The following LRRC61 variants were observed in gnomAD, a reference collection of about 807,000 sequenced individuals.
LRRC61 encodes the protein leucine-rich repeat-containing protein 61.
In LRRC61, 9 loss-of-function variants were observed where a neutral mutation model predicts 15.1. The observed-to-expected ratio is 0.60, with a 90% CI of 0.36 to 1.04. The LOEUF (loss-of-function observed/expected upper bound fraction) is 1.04, where lower values mean the gene tolerates loss of function less well. LRRC61 is among the 50% of genes least tolerant of loss of function. The pLI, the probability that LRRC61 is intolerant of heterozygous loss-of-function variation, is 0.01. For synonymous variants in LRRC61, 173 were observed against 158.6 expected, an observed-to-expected ratio of 1.09 and a Z score of -0.68; for missense variants, 344 against 335.6, an observed-to-expected ratio of 1.03 and a Z score of -0.20.
At chr7:150,311,074 T>G in the LRRC61 span, among the ~76,000 whole-genome samples, 914 of 152,276 alleles carry the variant, frequency 6.0e-3, 7 homozygotes, top group Middle Eastern at 0.027. Flanking sequence ...CAACTCTGGG[T>G]ACCAAACTTT....
the LRRC61 span, among the ~76,000 whole-genome samples, chr7:150,317,269 C>A: frequency 6.6e-6 from 1 of 152,014 alleles, no homozygotes; most frequent in Non-Finnish European, 1.5e-5. Flanking sequence ...AGGCTGGTCT[C>A]GAACTTATGG....
chr7:150,320,804 T>C (rs1421694768), upstream of LRRC61, among the ~76,000 whole-genome samples: 2 of 152,212 alleles, frequency 1.3e-5, no homozygotes, highest in African/African-American at 4.8e-5. Flanking sequence ...TCCATTAACT[T>C]GTTTCCTCAA....
chr7:150,331,451 G>T, intron 2 of LRRC61: 1 of 251,044 alleles, frequency 4.0e-6, no homozygotes. Context: ...CTATTTGGTA[G>T]GAAAGGGTCA....
intron 2 of LRRC61, among the ~76,000 whole-genome samples, chr7:150,327,819 CA>C (rs58721598): frequency 5.0e-4 from 69 of 136,816 alleles, no homozygotes; most frequent in Admixed American, 4.4e-4. Context: ...GACCTTGTCT[CA>C]AAAAAAAAAA....
At chr7:150,316,247 A>G in the LRRC61 span, among the ~76,000 whole-genome samples, 1 of 152,224 alleles carries the variant, frequency 6.6e-6, no homozygotes, top group Non-Finnish European at 1.5e-5. Context: ...CATCATGTGG[A>G]TGTACCATAC....
the LRRC61 span, among the ~76,000 whole-genome samples, chr7:150,309,699 G>C: frequency 6.6e-6 from 1 of 152,164 alleles, no homozygotes; most frequent in African/African-American, 2.4e-5. Flanking sequence ...TGTCCCACCT[G>C]TGCGGGACCC....
Position 150,337,063 on chromosome 7 carries a change from C to G in LRRC61, c.202C>G (p.Leu68Val). Residue 68 changes from leucine to valine, a missense_variant, in exon 3 of 3, where the codon CTG (leucine) becomes GTG (valine). Transcript: ENST00000359623. ...CCTATCAGGCAACGCGCTCACCCAC[C>G]TGGGCCCGCTGGCCTCCTTGCGCCA... Reference protein sequence around the residue: ...LDLSGNALTHLGPLASLRQLA... With the variant: ...LDLSGNALTHVGPLASLRQLA... The G allele has an allele frequency of 6.2e-7, 1 of 1,613,050 alleles. No homozygotes were observed. The highest frequency in any genetic ancestry group is 1.1e-5 in the South Asian group (1 of 91,078).
chr7:150,317,385 C>CA, the LRRC61 span, among the ~76,000 whole-genome samples: 1 of 152,160 alleles, frequency 6.6e-6, no homozygotes, highest in Admixed American at 6.5e-5. Context: ...TGGTTGTTTG[C>CA]ATAGATGGCG....
intron 1 of LRRC61, among the ~76,000 whole-genome samples, chr7:150,324,193 C>T (rs1464751): frequency 0.27 from 40,500 of 151,822 alleles, 5,553 homozygotes; most frequent in East Asian, 0.41. Context: ...GACTTGAGGG[C>T]CCAGCAGGTG....
At chr7:150,324,097 C>T (rs958482941) in intron 1 of LRRC61, among the ~76,000 whole-genome samples, 5 of 152,238 alleles carry the variant, frequency 3.3e-5, no homozygotes, top group Non-Finnish European at 7.3e-5. Context: ...GCTTGCTCTC[C>T]TCTTTTCCTT....
At position 150,330,372 on chromosome 7, in the gene LRRC61, G is replaced by A; in HGVS notation, c.-145+4362G>A. 1.3e-6 allele frequency: 1 copy of A among 762,238 alleles called. No individual in the cohort carries two copies. The highest frequency in any genetic ancestry group is 2.4e-5 in the East Asian group (1 of 41,184). 47.2% of individuals were successfully genotyped at this position (762,238 alleles called of 1,614,324 possible). On this transcript the variant is annotated intron_variant, in intron 2 of 2. Transcript: ENST00000359623. This position sits in a 1 kb window ranked among gnomAD's most constrained non-coding sequence, Gnocchi z 4.6. ...GTCGGCCACATTCTGGAGCCCGGCA[G>A]ACAGCCTCAGCAAGCTCCTGTAGCC...
At chr7:150,314,416 G>T in the LRRC61 span, among the ~76,000 whole-genome samples, 4 of 152,110 alleles carry the variant, frequency 2.6e-5, no homozygotes, top group Non-Finnish European at 5.9e-5. Context: ...AGAAGAGAGT[G>T]ATCCGCCTCT....
chr7:150,326,971 A>C (rs1797975635), intron 2 of LRRC61, among the ~76,000 whole-genome samples: 1 of 152,138 alleles, frequency 6.6e-6, no homozygotes, highest in African/African-American at 2.4e-5. Flanking sequence ...GTTGCCACTT[A>C]ACCCTTCTGA....
intron 1 of LRRC61, among the ~76,000 whole-genome samples, chr7:150,325,563 C>T (rs1237324195): frequency 6.6e-6 from 1 of 152,222 alleles, no homozygotes; most frequent in East Asian, 1.9e-4. Context: ...CACTTCCCTG[C>T]TCAAGCCATC....
In LRRC61 at chr7:150,336,773, G is replaced by T. The variant is rs556726909; in HGVS notation, c.-89G>T. The stretch of plus-strand genomic sequence containing the variant: ...ACCAGGCCTCCTGGCACTGGCCTGG[G>T]TAGAGCCAGGGCGAGCACCAGCTGA... On this transcript the variant is annotated 5_prime_UTR_variant, in exon 3 of 3. Transcript: ENST00000359623. 4 of 1,516,564 alleles carry T rather than the reference G, an allele frequency of 2.6e-6. No individual in the cohort carries two copies. Among genetic ancestry groups the T allele is most frequent in the Non-Finnish European group, 3.5e-6 (4 of 1,131,306 alleles). The allele number at this position is 1,516,564 out of a possible 1,614,324, so 93.9% of individuals were successfully genotyped here.
intron 2 of LRRC61, among the ~76,000 whole-genome samples, 187 bp downstream of exon 2, chr7:150,326,197 A>G (rs1172193728): frequency 6.6e-6 from 1 of 152,204 alleles, no homozygotes; most frequent in East Asian, 1.9e-4. Context: ...AGTGCCAGCC[A>G]GGCAGCTACT....
chr7:150,320,526 G>A (rs977444030), upstream of LRRC61, among the ~76,000 whole-genome samples: 63 of 152,222 alleles, frequency 4.1e-4, no homozygotes, highest in African/African-American at 1.5e-3. Context: ...ACTTCGGGAG[G>A]CTGAGGTGGG....
At position 150,331,074 on chromosome 7, in the gene LRRC61, C is replaced by A. The variant is rs1304738783; in HGVS notation, c.-145+5064C>A. On this transcript the variant is annotated intron_variant, in intron 2 of 2. Coordinates refer to ENST00000359623, the MANE Select transcript of LRRC61 (RefSeq NM_001142928.2). ...CTGGGAGAAGAAGCGAGAAGCCTGG[C>A]CACCATCTATCTGTCTTACCCCCCA... The A allele has an allele frequency of 1.9e-6, 3 of 1,613,126 alleles. No individual in the cohort carries two copies. In the Admixed American group the frequency reaches 5.0e-5, roughly 27 times the overall value.
intron 2 of LRRC61, among the ~76,000 whole-genome samples, chr7:150,326,888 G>A (rs796305498): frequency 6.6e-6 from 1 of 152,130 alleles, no homozygotes; most frequent in African/African-American, 2.4e-5. Flanking sequence ...CTACACAAGC[G>A]CCACCTTGCA....
Sources: gnomAD v4.1 joint callset for allele counts (sites outside exome capture counted in the v4.1 genomes callset) on GRCh38, gnomAD v4.1.1 for gene constraint, Gnocchi (gnomAD v3.1) non-coding constraint, MANE v1.5 for transcripts, NCBI Gene and HGNC (gene_info 2026-07-23, HGNC 2026-07-21) for gene names.